Variants in ROBO2 observed in about 807,000 individuals in gnomAD.
ROBO2 encodes the protein roundabout guidance receptor 2.
ROBO2 carries 53 observed loss-of-function variants against 160.8 expected under a neutral mutation model. The observed-to-expected ratio is 0.33, with a 90% CI of 0.26 to 0.41. The LOEUF is 0.41. Among genes scored for constraint, ROBO2 ranks in the 10% least tolerant of loss-of-function variants. The pLI is 1.00. For synonymous variants in ROBO2, 664 were observed against 611.7 expected (o/e 1.09, Z -1.26); for missense variants, 1,577 against 1,722.4 (o/e 0.92, Z 1.49).
At chr3:77,616,513 A>T (rs1294189549) in intron 21 of ROBO2, among the ~76,000 whole-genome samples, 1 of 152,178 alleles carries the variant, frequency 6.6e-6, no homozygotes. Context: ...AGAGTAGGAA[A>T]GCTAATGAGC....
At position 76,095,064 on chromosome 3, in the gene ROBO2, G is replaced by A. The variant is rs111401714; in HGVS notation, c.109+157462G>A. On this transcript the variant is annotated intron_variant, in intron 2 of 26. Coordinates refer to the ROBO2 transcript ENST00000487694. ...GTAGAATTAAATTGTAGGAAAAAGC[G>A]ATATGGAAGACACACTAAAAAAGCT... is the stretch of plus-strand genomic sequence containing the variant. 9.8e-3 allele frequency among the ~76,000 whole-genome samples: 1,487 copies of A among 152,202 alleles called. 22 individuals carry two copies. Among genetic ancestry groups the A allele is most frequent in the African/African-American group, 0.034 (1,433 of 41,552 alleles).
At chr3:77,408,271 ATTGT>A (rs1338406367) in intron 2 of ROBO2, among the ~76,000 whole-genome samples, 4 of 152,108 alleles carry the variant, frequency 2.6e-5, no homozygotes, top group Non-Finnish European at 4.4e-5. Context: ...TCCACACTAA[ATTGT>A]TTGTGCGTGT....
intron 5 of ROBO2, among the ~76,000 whole-genome samples, chr3:77,496,230 C>T (rs2086762498): frequency 6.6e-6 from 1 of 152,096 alleles, no homozygotes; most frequent in Non-Finnish European, 1.5e-5. Flanking sequence ...AATGGAAGTG[C>T]TGTGTAAGCT....
rs527975326 is a variant in ROBO2, at chr3:76,994,740, C to A, written c.110-103274C>A. On this transcript the variant is annotated intron_variant, in intron 2 of 26. Coordinates refer to the ROBO2 transcript ENST00000487694. ...GTTTTGTGAAATTATATCTTGAGTTCTCCTGGAAAAATGTATGTTAATATT... is the reference window on the plus strand; with the variant it reads ...GTTTTGTGAAATTATATCTTGAGTTATCCTGGAAAAATGTATGTTAATATT... 4.1e-4 allele frequency among the ~76,000 whole-genome samples: 62 copies of A among 152,170 alleles called. 2 individuals carry two copies. The South Asian group carries it at 0.012, about 30-fold the overall frequency.
At chr3:76,736,611 A>T (rs2093717680) in intron 2 of ROBO2, among the ~76,000 whole-genome samples, 1 of 152,240 alleles carries the variant, frequency 6.6e-6, no homozygotes, top group Admixed American at 6.5e-5. Context: ...GAGGATCTGC[A>T]GTAAGTAACA....
At chr3:77,543,177 C>G (rs2092552911) in intron 6 of ROBO2, among the ~76,000 whole-genome samples, 1 of 152,014 alleles carries the variant, frequency 6.6e-6, no homozygotes, top group East Asian at 1.9e-4. Context: ...CACAACATGG[C>G]CTGATTGGTT....
chr3:76,912,607 T>G (rs1388892399), intron 2 of ROBO2, among the ~76,000 whole-genome samples: 1 of 152,170 alleles, frequency 6.6e-6, no homozygotes, highest in East Asian at 1.9e-4. Flanking sequence ...TGCTCCATTT[T>G]CCAATTAAAG....
intron 2 of ROBO2, among the ~76,000 whole-genome samples, chr3:76,337,185 G>T (rs2073948173): frequency 6.6e-6 from 1 of 152,016 alleles, no homozygotes; most frequent in Admixed American, 6.6e-5. Flanking sequence ...GGCCAAAATT[G>T]TTCATCTTCC....
intron 3 of ROBO2, among the ~76,000 whole-genome samples, chr3:77,478,950 G>A (rs2084361063): frequency 6.6e-6 from 1 of 152,146 alleles, no homozygotes; most frequent in African/African-American, 2.4e-5. Flanking sequence ...TTTAATGGAA[G>A]GAAGAGCATA....
intron 2 of ROBO2, among the ~76,000 whole-genome samples, chr3:76,570,630 C>A (rs1553807623): frequency 6.6e-6 from 1 of 152,046 alleles, no homozygotes; most frequent in Non-Finnish European, 1.5e-5. Flanking sequence ...ATTTGCTAAG[C>A]TTTTTTTAGA....
At chr3:77,087,773 T>C (rs1390711874) in intron 1 of ROBO2, among the ~76,000 whole-genome samples, 2 of 152,008 alleles carry the variant, frequency 1.3e-5, no homozygotes, top group African/African-American at 2.4e-5. Context: ...TGTATACATG[T>C]ATATATACAT....
At position 76,322,343 on chromosome 3, in the gene ROBO2, T is replaced by C. The variant is rs140048505; in HGVS notation, c.109+384741T>C. On this transcript the variant is annotated intron_variant, in intron 2 of 26. Coordinates refer to the ROBO2 transcript ENST00000487694. ...TGTGTGTAAAAATTATAACGTTTGC[T>C]TCATTTATCAGTTATATGTTATCAG... 3.3e-3 allele frequency among the ~76,000 whole-genome samples: 504 copies of C among 151,854 alleles called. 6 individuals carry two copies. Among genetic ancestry groups the C allele is most frequent in the Admixed American group, 0.024 (367 of 15,208 alleles).
At chr3:75,915,940 A>G (rs1559748406) in intron 1 of ROBO2, among the ~76,000 whole-genome samples, 2 of 152,214 alleles carry the variant, frequency 1.3e-5, no homozygotes, top group Non-Finnish European at 1.5e-5. Flanking sequence ...AATAAAACCA[A>G]TATTTGGATA....
chr3:77,585,173 T>G (rs2094014508), intron 16 of ROBO2, among the ~76,000 whole-genome samples: 1 of 151,350 alleles, frequency 6.6e-6, no homozygotes, highest in Admixed American at 6.6e-5. Flanking sequence ...TACTAAATTC[T>G]TAAGTAGAGC....
chr3:76,382,626 C>G (rs1393365980), intron 2 of ROBO2, among the ~76,000 whole-genome samples: 1 of 152,152 alleles, frequency 6.6e-6, no homozygotes, highest in Non-Finnish European at 1.5e-5. Flanking sequence ...GAGGCCTAAC[C>G]TAATACAACC....
chr3:76,041,264 A>G (rs1484336032), intron 2 of ROBO2, among the ~76,000 whole-genome samples: 1 of 152,058 alleles, frequency 6.6e-6, no homozygotes, highest in Non-Finnish European at 1.5e-5. Flanking sequence ...GTCATCCTAC[A>G]GGACTATGAT....
intron 2 of ROBO2, among the ~76,000 whole-genome samples, chr3:76,832,772 C>T (rs763298776): frequency 1.3e-5 from 2 of 152,108 alleles, no homozygotes; most frequent in African/African-American, 4.8e-5. Flanking sequence ...AAGATGGCCT[C>T]TTTGCAGAAA....
intron 2 of ROBO2, among the ~76,000 whole-genome samples, chr3:77,307,402 A>G (rs2063183624): frequency 6.6e-6 from 1 of 152,220 alleles, no homozygotes; most frequent in Non-Finnish European, 1.5e-5. Context: ...GATTGCAAAC[A>G]TAAAAGCATA....
chr3:76,608,607 C>G (rs1321117501), intron 2 of ROBO2, among the ~76,000 whole-genome samples: 1 of 152,096 alleles, frequency 6.6e-6, no homozygotes, highest in African/African-American at 2.4e-5. Flanking sequence ...TTTTGCTTTG[C>G]TTTCCTGTGC....
Sources: gnomAD v4.1 joint callset for allele counts (sites outside exome capture counted in the v4.1 genomes callset) on GRCh38, gnomAD v4.1.1 for gene constraint, MANE v1.5 for transcripts, NCBI Gene and HGNC (gene_info 2026-07-23, HGNC 2026-07-21) for gene names.